UBE3C: variants seen among roughly 807,000 people sequenced by gnomAD.
UBE3C encodes ubiquitin-protein ligase E3C.
In UBE3C, 42 loss-of-function variants were observed where a neutral mutation model predicts 129.4. The ratio of observed to expected loss-of-function variants is 0.32; its 90% CI spans 0.25 to 0.42. UBE3C has a LOEUF of 0.42. Among genes scored for constraint, UBE3C ranks in the 10% least tolerant of loss-of-function variants. The pLI, the probability that UBE3C is intolerant of heterozygous loss-of-function variation, is 1.00. For synonymous variants in UBE3C, 510 were observed against 492.4 expected (o/e 1.04, Z -0.47); for missense variants, 1,049 against 1,319.1 (o/e 0.80, Z 3.17).
chr7:157,179,159 C>T (rs1257406239), intron 6 of UBE3C, among the ~76,000 whole-genome samples: 1 of 151,946 alleles, frequency 6.6e-6, no homozygotes, highest in Non-Finnish European at 1.5e-5. Context: ...TGCAGTGCAG[C>T]TGCCGGTCCT....
At chr7:157,210,258 C>T (rs563903309) in intron 13 of UBE3C, among the ~76,000 whole-genome samples, 1 of 151,834 alleles carries the variant, frequency 6.6e-6, no homozygotes, top group Admixed American at 6.6e-5. Context: ...GTTGTAAGAC[C>T]TTTTGAGTTT....
In UBE3C at chr7:157,242,518, T is replaced by TG. The variant is rs1563071693; in HGVS notation, c.2482-5850_2482-5849insG. On this transcript the variant is annotated intron_variant, in intron 18 of 22. Coordinates refer to ENST00000348165, the MANE Select transcript of UBE3C (RefSeq NM_014671.3). ...CCTTGAGACTGAGCCTGAGTTGTTT[T>TG]TTTTTTTTTTTTTTTTTTTAAATTC... Among the ~76,000 whole-genome samples, 340 of 145,944 alleles carry TG rather than the reference T, an allele frequency of 2.3e-3. 2 individuals are homozygous for TG. The highest frequency in any genetic ancestry group is 7.9e-3 in the African/African-American group (319 of 40,152).
chr7:157,148,398 T>G (rs748000809), intron 1 of UBE3C, among the ~76,000 whole-genome samples: 1 of 152,166 alleles, frequency 6.6e-6, no homozygotes, highest in Non-Finnish European at 1.5e-5. Context: ...CCACCATGCT[T>G]GGCCTCAATT....
intron 19 of UBE3C, among the ~76,000 whole-genome samples, chr7:157,252,473 G>C (rs1563075611): frequency 6.6e-6 from 1 of 152,232 alleles, no homozygotes. Flanking sequence ...ACCTTAGGAA[G>C]TGAATTATTG....
chr7:157,235,964 G>T (rs1426138442), intron 18 of UBE3C, among the ~76,000 whole-genome samples: 1 of 152,172 alleles, frequency 6.6e-6, no homozygotes. Flanking sequence ...ACTGTATATT[G>T]ATTGATTGTG....
At chr7:157,253,415 A>G (rs973547771) in intron 19 of UBE3C, among the ~76,000 whole-genome samples, 4 of 152,234 alleles carry the variant, frequency 2.6e-5, no homozygotes, top group Admixed American at 6.5e-5. Context: ...CTGTTTATAT[A>G]CATAAGAAAT....
Position 157,247,702 on chromosome 7 carries a change from AAG to A in UBE3C, c.2482-663_2482-662del, listed in dbSNP as rs773723165. 1.8e-4 allele frequency among the ~76,000 whole-genome samples: 28 copies of A among 151,958 alleles called. No individual in the cohort carries two copies. In the East Asian group the frequency reaches 1.9e-3, roughly 10 times the overall value. On this transcript the variant is annotated intron_variant, in intron 18 of 22. Coordinates refer to ENST00000348165, the MANE Select transcript of UBE3C (RefSeq NM_014671.3). ...GCAAGACTCCGTCTCCAAAAAAAAA[AAG>A]AGCATAAGTAATATTTCTTGACATG...
chr7:157,185,806 CTTAATG>C (rs1210027846), intron 9 of UBE3C, among the ~76,000 whole-genome samples: 1 of 152,022 alleles, frequency 6.6e-6, no homozygotes, highest in African/African-American at 2.4e-5. Context: ...TTTTGTTAGT[CTTAATG>C]TTAAAGATTC....
rs117867775 is a variant in UBE3C, at chr7:157,230,266, A to G, written c.2234-814A>G. 6.8e-3 allele frequency among the ~76,000 whole-genome samples: 1,032 copies of G among 152,228 alleles called. 17 individuals carry two copies. The highest frequency in any genetic ancestry group is 0.047 in the South Asian group (226 of 4,820). On this transcript the variant is annotated intron_variant, in intron 17 of 22. Transcript: ENST00000348165. ...CAGTAATTTTCCCCCCTTTTCAGCC[A>G]AATACAGCTTTTAAAAGATCACGTA...
At chr7:157,166,465 G>A (rs895235104) in intron 2 of UBE3C, among the ~76,000 whole-genome samples, 24 of 152,130 alleles carry the variant, frequency 1.6e-4, no homozygotes, top group African/African-American at 4.8e-4. Context: ...TGAGGGCTGG[G>A]CGCGATGGCT....
intron 5 of UBE3C, among the ~76,000 whole-genome samples, chr7:157,175,983 A>T (rs138346319): frequency 3.9e-5 from 6 of 152,314 alleles, no homozygotes; most frequent in African/African-American, 1.4e-4. Flanking sequence ...AAATAAAGGA[A>T]TCATGCTTCA....
At chr7:157,145,867 A>G (rs1013526632) in intron 1 of UBE3C, among the ~76,000 whole-genome samples, 5 of 152,284 alleles carry the variant, frequency 3.3e-5, no homozygotes, top group Middle Eastern at 3.4e-3. Flanking sequence ...TGTTATTTAC[A>G]TCTTGTATCT....
At chr7:157,239,861 G>C (rs773217101) in intron 18 of UBE3C, among the ~76,000 whole-genome samples, 3 of 152,232 alleles carry the variant, frequency 2.0e-5, no homozygotes, top group Non-Finnish European at 2.9e-5. Context: ...GGGTGCAGCT[G>C]CATGAGCTGG....
chr7:157,206,027 C>G (rs1174433818), intron 11 of UBE3C, among the ~76,000 whole-genome samples: 1 of 152,082 alleles, frequency 6.6e-6, no homozygotes, highest in Non-Finnish European at 1.5e-5. Flanking sequence ...TAATATATAC[C>G]TGTAGTTTTG....
chr7:157,158,050 C>CTTTTTTTTTT (rs60257662), intron 1 of UBE3C, among the ~76,000 whole-genome samples: 6 of 101,122 alleles, frequency 5.9e-5, no homozygotes, highest in African/African-American at 8.2e-5. Context: ...CTCTTTTTTC[C>CTTTTTTTTTT]TTTTTTTTTT....
intron 22 of UBE3C, among the ~76,000 whole-genome samples, chr7:157,259,861 A>G (rs1430063825): frequency 6.6e-6 from 1 of 152,192 alleles, no homozygotes; most frequent in African/African-American, 2.4e-5. Flanking sequence ...GTACACCTCA[A>G]TTAAGCTGTT....
chr7:157,254,223 T>C (rs1183180976), intron 20 of UBE3C, 21 bp from the exon 21 acceptor site: 5 of 1,610,554 alleles, frequency 3.1e-6, no homozygotes, highest in Non-Finnish European at 4.2e-6. Flanking sequence ...CAAATGTTAT[T>C]ATTTGAACTT....
intron 5 of UBE3C, among the ~76,000 whole-genome samples, chr7:157,176,024 G>A (rs896970255): frequency 1.3e-5 from 2 of 152,120 alleles, no homozygotes; most frequent in Non-Finnish European, 1.5e-5. Context: ...CAGCCCTAGG[G>A]CTGGTTTGGC....
chr7:157,233,843 A>G (rs1310426594), intron 18 of UBE3C, among the ~76,000 whole-genome samples: 7 of 152,216 alleles, frequency 4.6e-5, no homozygotes, highest in Non-Finnish European at 1.0e-4. Flanking sequence ...CAGTGACTCC[A>G]CATCGTTGTC....
Sources: gnomAD v4.1 joint callset for allele counts (sites outside exome capture counted in the v4.1 genomes callset) on GRCh38, gnomAD v4.1.1 for gene constraint, MANE v1.5 for transcripts, NCBI Gene and HGNC (gene_info 2026-07-23, HGNC 2026-07-21) for gene names.